Variants in PCSK5 observed in about 807,000 individuals in gnomAD.
PCSK5 encodes the protein prohormone convertase 5.
PCSK5 carries 129 observed loss-of-function variants against 233.2 expected under a neutral mutation model. The ratio of observed to expected loss-of-function variants is 0.55; its 90% confidence interval spans 0.48 to 0.64. The LOEUF is 0.64. Among genes scored for constraint, PCSK5 ranks in the 30% least tolerant of loss-of-function variants. The probability of loss-of-function intolerance (pLI) is 0.00; values close to 1 mark genes in which losing one functional copy is unlikely to be tolerated. For synonymous variants in PCSK5, 825 were observed against 879.2 expected, an observed-to-expected ratio of 0.94 and a Z score of 1.09; for missense variants, 2,076 against 2,430.1, an observed-to-expected ratio of 0.85 and a Z score of 3.06.
intron 5 of PCSK5, among the ~76,000 whole-genome samples, chr9:76,052,270 C>G (rs1829657287): frequency 6.6e-6 from 1 of 152,148 alleles, no homozygotes; most frequent in Non-Finnish European, 1.5e-5. Context: ...AACATATATA[C>G]ATACATAAAC....
chr9:75,942,564 A>G lies in PCSK5; in HGVS notation c.297+10081A>G, dbSNP rs145527020. Among the ~76,000 whole-genome samples, 397 of 152,284 alleles carry G rather than the reference A, an allele frequency of 2.6e-3. 4 individuals carry two copies. The highest frequency in any genetic ancestry group is 9.2e-3 in the African/African-American group (384 of 41,544). On this transcript the variant is annotated intron_variant, in intron 2 of 37. Transcript: ENST00000674117. The stretch of plus-strand genomic sequence containing the variant: ...AAACATAACAGGCTCAGGTCTTGCA[A>G]GTTGTGGAGCGAAGGCTGCCAGTGC...
At position 76,108,263 on chromosome 9, in the gene PCSK5, C is replaced by T. The variant is rs1298595976; in HGVS notation, c.1208+912C>T. On this transcript the variant is annotated intron_variant, in intron 9 of 37. Coordinates refer to ENST00000674117, the MANE Select transcript of PCSK5 (RefSeq NM_001372043.1). ...TTAGAATAGGGATTGAAGGCCTGTT[C>T]TCTGAGGTTCTCCCTGCAGGAGGAT... Among the ~76,000 whole-genome samples, 134 of 152,294 alleles carry T rather than the reference C, an allele frequency of 8.8e-4. 1 individual carries two copies. Among genetic ancestry groups the T allele is most frequent in the Non-Finnish European group, 2.9e-5 (2 of 68,034 alleles).
intron 9 of PCSK5, among the ~76,000 whole-genome samples, chr9:76,132,617 C>T (rs1454419222): frequency 6.6e-6 from 1 of 152,056 alleles, no homozygotes; most frequent in South Asian, 2.1e-4. Context: ...ATACTGAAGC[C>T]ACCAAATAAG....
intron 20 of PCSK5, among the ~76,000 whole-genome samples, chr9:76,200,897 G>C (rs1824886605): frequency 6.6e-6 from 1 of 152,172 alleles, no homozygotes; most frequent in East Asian, 1.9e-4. Flanking sequence ...TCTTTTCAGA[G>C]AGGCTAATTG....
chr9:76,351,541 GAAA>G (rs1830160052), intron 36 of PCSK5, among the ~76,000 whole-genome samples: 3 of 96,728 alleles, frequency 3.1e-5, no homozygotes, highest in East Asian at 9.6e-4. Flanking sequence ...AGGAAGGAAA[GAAA>G]GAGAAAGAAG....
chr9:76,278,794 T>A (rs2131383840), intron 24 of PCSK5, among the ~76,000 whole-genome samples: 1 of 152,300 alleles, frequency 6.6e-6, no homozygotes, highest in South Asian at 2.1e-4. Context: ...TCATGAAATG[T>A]TTCTGTGTCA....
At chr9:76,297,128 CT>C (rs763685603) in intron 27 of PCSK5, among the ~76,000 whole-genome samples, 2 of 152,094 alleles carry the variant, frequency 1.3e-5, no homozygotes, top group African/African-American at 2.4e-5. Context: ...GAGTTTCTAC[CT>C]GGGTGAAGCA....
At chr9:76,135,442 TGA>T (rs1379432837) in intron 10 of PCSK5, among the ~76,000 whole-genome samples, 2 of 152,092 alleles carry the variant, frequency 1.3e-5, no homozygotes, top group African/African-American at 4.8e-5. Context: ...TTCTCTGCTT[TGA>T]AGTATTATCA....
At chr9:75,927,029 A>C (rs2131268887) in intron 1 of PCSK5, among the ~76,000 whole-genome samples, 1 of 152,308 alleles carries the variant, frequency 6.6e-6, no homozygotes, top group South Asian at 2.1e-4. Context: ...ATGTTTCATA[A>C]ATGGCCAAAT....
At chr9:76,215,085 T>A (rs1333746554) in intron 20 of PCSK5, among the ~76,000 whole-genome samples, 1 of 152,192 alleles carries the variant, frequency 6.6e-6, no homozygotes, top group Non-Finnish European at 1.5e-5. Flanking sequence ...GACAATTGCA[T>A]AAGCCAAAGA....
chr9:75,924,591 A>C (rs910597349), intron 1 of PCSK5, among the ~76,000 whole-genome samples: 7 of 152,076 alleles, frequency 4.6e-5, no homozygotes, highest in African/African-American at 1.7e-4. Context: ...GAAGGCCAGG[A>C]TTCTTGCCCC....
At chr9:76,253,737 C>CAAA (rs751737452) in intron 24 of PCSK5, among the ~76,000 whole-genome samples, 29 of 152,338 alleles carry the variant, frequency 1.9e-4, no homozygotes, top group Admixed American at 7.2e-4. Flanking sequence ...ACAATTTTTA[C>CAAA]ATATGGGGAA....
chr9:75,924,950 G>A (rs1026144624), intron 1 of PCSK5, among the ~76,000 whole-genome samples: 4 of 152,256 alleles, frequency 2.6e-5, no homozygotes, highest in Admixed American at 6.5e-5. Flanking sequence ...GTGTAGACTA[G>A]GGATAATGAT....
intron 24 of PCSK5, among the ~76,000 whole-genome samples, chr9:76,271,139 G>A (rs1174805777): frequency 6.6e-6 from 1 of 152,106 alleles, no homozygotes; most frequent in Non-Finnish European, 1.5e-5. Context: ...CTTGGGCTTC[G>A]TTGAAATAAA....
chr9:76,005,236 G>T (rs142358419), intron 3 of PCSK5, among the ~76,000 whole-genome samples: 2 of 152,278 alleles, frequency 1.3e-5, no homozygotes, highest in Non-Finnish European at 2.9e-5. Flanking sequence ...AGGCAATAGA[G>T]TCAGACTCTT....
At chr9:76,021,506 A>G (rs1436751608) in intron 3 of PCSK5, among the ~76,000 whole-genome samples, 1 of 152,096 alleles carries the variant, frequency 6.6e-6, no homozygotes, top group African/African-American at 2.4e-5. Context: ...AGTAGAGTAG[A>G]ATAGTAGAGA....
At chr9:75,966,314 C>G (rs1426689619) in intron 2 of PCSK5, among the ~76,000 whole-genome samples, 2 of 152,158 alleles carry the variant, frequency 1.3e-5, no homozygotes, top group Non-Finnish European at 2.9e-5. Context: ...ATATTTCTTG[C>G]AATGGTGACT....
chr9:76,268,401 G>T (rs1189401690), intron 24 of PCSK5, among the ~76,000 whole-genome samples: 1 of 152,194 alleles, frequency 6.6e-6, no homozygotes, highest in Non-Finnish European at 1.5e-5. Flanking sequence ...AGTGATAAGA[G>T]TTGTTGCTTT....
chr9:76,005,306 T>C (rs1308304488), intron 3 of PCSK5, among the ~76,000 whole-genome samples: 1 of 152,204 alleles, frequency 6.6e-6, no homozygotes, highest in African/African-American at 2.4e-5. Context: ...AATTTGATAA[T>C]ACAGTTAGGT....
Sources: allele counts gnomAD v4.1 joint callset (sites outside exome capture counted in the v4.1 genomes callset), GRCh38; gene constraint gnomAD v4.1.1; transcripts MANE v1.5; gene names NCBI Gene and HGNC (gene_info 2026-07-23, HGNC 2026-07-21).